The following MICU1 variants were observed in gnomAD, a reference collection of about 807,000 sequenced individuals.
The protein encoded by MICU1 is calcium uptake protein 1, mitochondrial.
MICU1 carries 45 observed loss-of-function variants against 56.8 expected under a neutral mutation model. That is an observed-to-expected ratio of 0.79 (90% confidence interval 0.62 to 1.02). The LOEUF (loss-of-function observed/expected upper bound fraction) is 1.02, where lower values mean the gene tolerates loss of function less well. Ranked by LOEUF, MICU1 falls within the 50% of genes least tolerant of loss-of-function variation. The pLI, the probability that MICU1 is intolerant of heterozygous loss-of-function variation, is 0.00. For synonymous variants in MICU1, 186 were observed against 195.1 expected, an observed-to-expected ratio of 0.95 and a Z score of 0.39; for missense variants, 504 against 587.1, an observed-to-expected ratio of 0.86 and a Z score of 1.46.
chr10:72,426,680 G>A, intron 8 of MICU1, among the ~76,000 whole-genome samples: 1 of 152,200 alleles, frequency 6.6e-6, no homozygotes, highest in East Asian at 1.9e-4. Context: ...TTACAGGCAT[G>A]AGCCACAGCA....
chr10:72,481,483 C>A lies in MICU1; in HGVS notation c.653-4227G>T, dbSNP rs971747903. ...CTGGAGTGCAGTGGCATGATCTTGG[C>A]TCACTGCAGCCTTTGCCTCCCAGGT... On this transcript the variant is annotated intron_variant, in intron 6 of 11. Transcript: ENST00000361114. Among the ~76,000 whole-genome samples, 3 of 152,130 alleles carry A rather than the reference C, an allele frequency of 2.0e-5. No individual in the cohort carries two copies. The East Asian group carries it at 5.8e-4, about 29-fold the overall frequency.
At chr10:72,408,807 G>T (rs181325328) in intron 9 of MICU1, among the ~76,000 whole-genome samples, 1 of 152,324 alleles carries the variant, frequency 6.6e-6, no homozygotes, top group African/African-American at 2.4e-5. Context: ...CAAAGTCAGT[G>T]ATATACAGGG....
intron 6 of MICU1, among the ~76,000 whole-genome samples, chr10:72,507,563 AT>A (rs1867295321): frequency 6.6e-6 from 1 of 152,186 alleles, no homozygotes; most frequent in African/African-American, 2.4e-5. Context: ...TTAATGAAGG[AT>A]ATAGTAGTAA....
intron 5 of MICU1, among the ~76,000 whole-genome samples, chr10:72,510,821 C>T (rs540615252): frequency 2.0e-5 from 3 of 152,080 alleles, no homozygotes; most frequent in South Asian, 2.1e-4. Context: ...TTAGTAGAGA[C>T]GGGTTTTGCC....
chr10:72,527,110 A>T (rs994783803), intron 5 of MICU1, among the ~76,000 whole-genome samples: 2 of 152,130 alleles, frequency 1.3e-5, no homozygotes, highest in Non-Finnish European at 2.9e-5. Context: ...GTGGTTTCTC[A>T]GGTTAGTATG....
intron 10 of MICU1, among the ~76,000 whole-genome samples, chr10:72,381,246 G>T (rs747170445): frequency 3.3e-5 from 5 of 152,174 alleles, no homozygotes; most frequent in Admixed American, 1.3e-4. Context: ...TGCCTTACCG[G>T]ACTGCAGTGG....
chr10:72,426,786 G>A (rs1421241940), intron 8 of MICU1, among the ~76,000 whole-genome samples: 2 of 152,090 alleles, frequency 1.3e-5, no homozygotes, highest in Admixed American at 6.5e-5. Context: ...TTTGGATAAG[G>A]GATACTCAAC....
intron 1 of MICU1, among the ~76,000 whole-genome samples, chr10:72,583,282 AT>A (rs71021510): frequency 0.65 from 91,654 of 141,048 alleles, 30,663 homozygotes; most frequent in African/African-American, 0.74. Flanking sequence ...GGCTGAATGC[AT>A]TTTTTTTTTT....
At chr10:72,465,928 AT>A (rs1292023801) in intron 8 of MICU1, among the ~76,000 whole-genome samples, 1 of 151,972 alleles carries the variant, frequency 6.6e-6, no homozygotes, top group African/African-American at 2.4e-5. Context: ...AATTAGCATA[AT>A]TTTTTTTCCT....
intron 1 of MICU1, among the ~76,000 whole-genome samples, chr10:72,570,742 A>C (rs1840589347): frequency 6.6e-6 from 1 of 152,190 alleles, no homozygotes; most frequent in Non-Finnish European, 1.5e-5. Flanking sequence ...CCTAAGCTTT[A>C]ATAACACAAT....
chr10:72,495,438 C>T (rs573103543), intron 6 of MICU1, among the ~76,000 whole-genome samples: 94 of 152,206 alleles, frequency 6.2e-4, no homozygotes, highest in African/African-American at 2.2e-3. Context: ...GATGGATCAC[C>T]TGAAGACAGG....
chr10:72,500,275 T>C (rs369682075), intron 6 of MICU1, among the ~76,000 whole-genome samples: 30 of 9,252 alleles, frequency 3.2e-3, no homozygotes, highest in Non-Finnish European at 8.3e-3. Context: ...TATATATATA[T>C]ATATATATAT....
chr10:72,540,267 C>CAA (rs11287541), intron 4 of MICU1, among the ~76,000 whole-genome samples: 6 of 85,420 alleles, frequency 7.0e-5, no homozygotes, highest in South Asian at 3.9e-4. Context: ...AACTCCATCT[C>CAA]AAAAAAAAAA....
rs565077568 is a variant in MICU1, at chr10:72,495,490, T to C, written c.652+12665A>G. On this transcript the variant is annotated intron_variant, in intron 6 of 11. Transcript: ENST00000361114. ...GGCCAACATGGTGAAACCTGCTCTC[T>C]ACTAAAAGTACAAAAATTAGCTGAG... 2.0e-5 allele frequency among the ~76,000 whole-genome samples: 3 copies of C among 152,180 alleles called. No individual in the cohort carries two copies. In the East Asian group the frequency reaches 5.8e-4, roughly 29 times the overall value.
chr10:72,533,591 GAGGT>G (rs1250781826), intron 5 of MICU1, among the ~76,000 whole-genome samples, 151 bp downstream of exon 5: 1 of 152,156 alleles, frequency 6.6e-6, no homozygotes, highest in Non-Finnish European at 1.5e-5. Flanking sequence ...TCTTTCTGTA[GAGGT>G]ATGTAGAGGC....
At chr10:72,622,727 C>T (rs1484474801) in intron 1 of MICU1, among the ~76,000 whole-genome samples, 1 of 152,030 alleles carries the variant, frequency 6.6e-6, no homozygotes, top group African/African-American at 2.4e-5. Context: ...CTTTGACTTT[C>T]AATATTGTAT....
chr10:72,441,673 G>A (rs1271045390), intron 8 of MICU1, among the ~76,000 whole-genome samples: 3 of 138,580 alleles, frequency 2.2e-5, no homozygotes, highest in Non-Finnish European at 3.0e-5. Context: ...CTGGAGTGCA[G>A]TGGTACGATC....
intron 1 of MICU1, among the ~76,000 whole-genome samples, chr10:72,590,378 A>T (rs760008120): frequency 6.6e-5 from 10 of 152,248 alleles, no homozygotes; most frequent in Non-Finnish European, 1.3e-4. Flanking sequence ...ACATTTATAC[A>T]CTTAATGACA....
At chr10:72,451,023 TC>T (rs1865281097) in intron 8 of MICU1, among the ~76,000 whole-genome samples, 1 of 115,804 alleles carries the variant, frequency 8.6e-6, no homozygotes, top group South Asian at 2.7e-4. Context: ...GTCCCTTAAA[TC>T]TTTTTTTTTT....
Sources: gnomAD v4.1 joint callset for allele counts (sites outside exome capture counted in the v4.1 genomes callset) on GRCh38, gnomAD v4.1.1 for gene constraint, MANE v1.5 for transcripts, NCBI Gene and HGNC (gene_info 2026-07-23, HGNC 2026-07-21) for gene names.